The following EPS15L1 variants were observed in gnomAD, a reference collection of about 807,000 sequenced individuals.
EPS15L1 encodes the protein epidermal growth factor receptor substrate 15-like 1.
Under a neutral mutation model 117.1 loss-of-function variants are expected in EPS15L1, and 43 were observed. The observed-to-expected ratio is 0.37, with a 90% CI of 0.29 to 0.47. The LOEUF is 0.47. Among genes scored for constraint, EPS15L1 ranks in the 20% least tolerant of loss-of-function variants. EPS15L1 has a pLI of 0.99. For missense variants in EPS15L1, 981 were observed against 1,164.0 expected (o/e 0.84, Z 2.29); for synonymous variants, 459 against 470.5 (o/e 0.98, Z 0.32).
At chr19:16,466,580 T>C (rs2093307485) in intron 1 of EPS15L1, among the ~76,000 whole-genome samples, 1 of 152,106 alleles carries the variant, frequency 6.6e-6, no homozygotes, top group South Asian at 2.1e-4. Flanking sequence ...AAATAAATAC[T>C]CACTGAACGA....
chr19:16,363,306 C>A (rs1488424292), intron 22 of EPS15L1, among the ~76,000 whole-genome samples: 7 of 152,192 alleles, frequency 4.6e-5, no homozygotes, highest in East Asian at 1.9e-4. Context: ...TTAGAAAAAA[C>A]CAGGAACTGC....
chr19:16,419,784 G>A (rs936370339), intron 10 of EPS15L1, among the ~76,000 whole-genome samples: 4 of 152,220 alleles, frequency 2.6e-5, no homozygotes, highest in Admixed American at 6.5e-5. Flanking sequence ...AGGCCCTGAC[G>A]ATTTCATACT....
intron 4 of EPS15L1, 53 bp from the exon 5 acceptor site, chr19:16,437,918 G>T: frequency 7.2e-7 from 1 of 1,381,528 alleles, no homozygotes; most frequent in Non-Finnish European, 1.0e-6. Flanking sequence ...AGTGAGGGTA[G>T]GGGGAGCTGT....
chr19:16,454,975 T>C (rs971023732), intron 1 of EPS15L1, among the ~76,000 whole-genome samples: 3 of 151,928 alleles, frequency 2.0e-5, no homozygotes, highest in Non-Finnish European at 4.4e-5. Context: ...ACTAAAAATA[T>C]AAAATTAGCC....
At chr19:16,437,972 A>C in intron 4 of EPS15L1, 107 bp from the exon 5 acceptor site, 1 of 814,660 alleles carries the variant, frequency 1.2e-6, no homozygotes, top group Non-Finnish European at 2.0e-6. Flanking sequence ...CACTTCAACA[A>C]TGAAGGCCGT....
chr19:16,458,977 T>A (rs944158766), intron 1 of EPS15L1, among the ~76,000 whole-genome samples: 1 of 152,170 alleles, frequency 6.6e-6, no homozygotes, highest in Non-Finnish European at 1.5e-5. Flanking sequence ...CAGCGCCTGC[T>A]CCACGCCTGG....
At chr19:16,412,892 TG>T in intron 13 of EPS15L1, 1 of 620,072 alleles carries the variant, frequency 1.6e-6, no homozygotes. Flanking sequence ...ATCACCAAGC[TG>T]GGCCGCCTGG....
At chr19:16,417,658 G>A (rs746353451) in intron 11 of EPS15L1, 21 bp from the exon 12 acceptor site, 9 of 1,605,494 alleles carry the variant, frequency 5.6e-6, no homozygotes, top group South Asian at 4.4e-5. Context: ...ATTCAGAGGC[G>A]AGATCTCTAA....
intron 8 of EPS15L1, among the ~76,000 whole-genome samples, chr19:16,426,566 G>A (rs1163428798): frequency 6.6e-6 from 1 of 152,168 alleles, no homozygotes; most frequent in Non-Finnish European, 1.5e-5. Context: ...TTGAATCCAG[G>A]AGGTGGAGGA....
intron 1 of EPS15L1, among the ~76,000 whole-genome samples, chr19:16,446,162 C>T (rs2093081459): frequency 6.6e-6 from 1 of 152,190 alleles, no homozygotes; most frequent in Non-Finnish European, 1.5e-5. Flanking sequence ...GCAATTCACA[C>T]AAGCGCCTGT....
chr19:16,367,753 C>CAAAAAAAAAAAAAAAAAAAAACAAAAA (rs60689307), intron 22 of EPS15L1, among the ~76,000 whole-genome samples: 1 of 50,720 alleles, frequency 2.0e-5, no homozygotes, highest in African/African-American at 7.3e-5. Context: ...GGGTGCAAAG[C>CAAAAAAAAAAAAAAAAAAAAACAAAAA]AAAAAAAAAA....
At chr19:16,462,377 G>T (rs531436164) in intron 1 of EPS15L1, among the ~76,000 whole-genome samples, 1 of 152,274 alleles carries the variant, frequency 6.6e-6, no homozygotes, top group Admixed American at 6.5e-5. Context: ...AGGGAAGTGG[G>T]GGGGAGGGCA....
At chr19:16,455,686 G>A (rs2093188318) in intron 1 of EPS15L1, among the ~76,000 whole-genome samples, 1 of 152,172 alleles carries the variant, frequency 6.6e-6, no homozygotes, top group African/African-American at 2.4e-5. Context: ...CAACCCTGGG[G>A]CAGGACGAGC....
intron 16 of EPS15L1, among the ~76,000 whole-genome samples, chr19:16,398,222 C>T (rs1216256731): frequency 6.6e-6 from 1 of 152,228 alleles, no homozygotes; most frequent in African/African-American, 2.4e-5. Flanking sequence ...CCTCGGCCCC[C>T]ACTTCAGGAG....
chr19:16,387,432 C>T (rs967061003), intron 19 of EPS15L1, among the ~76,000 whole-genome samples: 1 of 152,214 alleles, frequency 6.6e-6, no homozygotes, highest in Admixed American at 6.5e-5. Flanking sequence ...TATGGTAAAA[C>T]CCATTTCTAC....
intron 7 of EPS15L1, among the ~76,000 whole-genome samples, chr19:16,430,645 T>TTCC (rs1038706034): frequency 4.6e-5 from 7 of 152,220 alleles, no homozygotes. Flanking sequence ...TATCCCCACC[T>TTCC]TCCCACTGCC....
chr19:16,444,798 C>T (rs2093067625), intron 1 of EPS15L1, among the ~76,000 whole-genome samples: 1 of 151,396 alleles, frequency 6.6e-6, no homozygotes, highest in African/African-American at 2.4e-5. Context: ...GCAATCTCAG[C>T]TCATTGCAAT....
At chr19:16,462,033 C>T (rs968566703) in intron 1 of EPS15L1, among the ~76,000 whole-genome samples, 3 of 152,188 alleles carry the variant, frequency 2.0e-5, no homozygotes, top group Non-Finnish European at 2.9e-5. Context: ...CAGAGCTCCT[C>T]GACCCTCCCG....
At chr19:16,452,679 G>A (rs1425295767) in intron 1 of EPS15L1, among the ~76,000 whole-genome samples, 2 of 152,014 alleles carry the variant, frequency 1.3e-5, no homozygotes, top group African/African-American at 4.8e-5. Context: ...TACGTAGGTG[G>A]GGGAAAAGAT....
Sources: allele counts gnomAD v4.1 joint callset (sites outside exome capture counted in the v4.1 genomes callset), GRCh38; gene constraint gnomAD v4.1.1; transcripts MANE v1.5; gene names NCBI Gene and HGNC (gene_info 2026-07-23, HGNC 2026-07-21).